FANCL: variants seen among roughly 807,000 people sequenced by gnomAD.
The protein encoded by FANCL is E3 ubiquitin-protein ligase FANCL.
FANCL carries 69 observed loss-of-function variants against 59.4 expected under a neutral mutation model. The observed-to-expected ratio is 1.16, with a 90% confidence interval of 0.96 to 1.42. FANCL has a LOEUF of 1.42. FANCL is among the 40% of genes most tolerant of loss of function. The probability of loss-of-function intolerance (pLI) is 0.00; values close to 1 mark genes in which losing one functional copy is unlikely to be tolerated. For missense variants in FANCL, 519 were observed against 447.2 expected (o/e 1.16, Z -1.45); for synonymous variants, 180 against 147.1 (o/e 1.22, Z -1.62).
rs1025876166 is a variant in FANCL, at chr2:58,177,077, C to T, written c.541-11203G>A. ...AGAGAAATGCAAATCAAAACCACAACGAGATATCATCTCACACCACTTAGA... is the reference window on the plus strand; with the variant it reads ...AGAGAAATGCAAATCAAAACCACAATGAGATATCATCTCACACCACTTAGA... On this transcript the variant is annotated intron_variant, in intron 7 of 13. Transcript: ENST00000233741. Among the ~76,000 whole-genome samples, 461 of 152,208 alleles carry T rather than the reference C, an allele frequency of 3.0e-3. 3 individuals carry two copies. The highest frequency in any genetic ancestry group is 9.5e-3 in the African/African-American group (396 of 41,532).
At chr2:58,191,860 A>G (rs939912328) in intron 7 of FANCL, among the ~76,000 whole-genome samples, 29 of 151,876 alleles carry the variant, frequency 1.9e-4, no homozygotes, top group African/African-American at 6.5e-4. Flanking sequence ...ATTCAAAAGG[A>G]TTTTCATATA....
chr2:58,171,529 A>T (rs995265911), intron 7 of FANCL, among the ~76,000 whole-genome samples: 6 of 152,360 alleles, frequency 3.9e-5, no homozygotes, highest in African/African-American at 1.4e-4. Flanking sequence ...AGATCAGAGC[A>T]GAACTGAAGG....
intron 5 of FANCL, among the ~76,000 whole-genome samples, chr2:58,214,941 C>A (rs1265238648): frequency 6.6e-6 from 1 of 152,182 alleles, no homozygotes; most frequent in Admixed American, 6.5e-5. Flanking sequence ...AACGCTTCAA[C>A]TGATTTTTCT....
chr2:58,159,909 A>ACACTTCTGAAGTTTC lies in FANCL; in HGVS notation c.1093-124_1093-110dup, dbSNP rs1012141452. ...ATAGTGTCATAGTACAGTTTGGAAA[A>ACACTTCTGAAGTTTC]CACTTCTGAAGTTTCAGATCACCTA... On this transcript the variant is annotated intron_variant, in intron 13 of 13. Coordinates refer to ENST00000233741, the MANE Select transcript of FANCL (RefSeq NM_018062.4). 7.8e-6 allele frequency: 12 copies of ACACTTCTGAAGTTTC among 1,547,432 alleles called. No homozygotes were observed. The African/African-American group carries it at 1.1e-4, about 14-fold the overall frequency.
chr2:58,198,200 CTG>C (rs1689632434), intron 7 of FANCL, among the ~76,000 whole-genome samples: 1 of 152,062 alleles, frequency 6.6e-6, no homozygotes, highest in Admixed American at 6.5e-5. Context: ...TTAAGGAAAA[CTG>C]AAAAAACAAA....
At chr2:58,167,460 A>G (rs1414139543) in intron 7 of FANCL, among the ~76,000 whole-genome samples, 1 of 152,144 alleles carries the variant, frequency 6.6e-6, no homozygotes, top group African/African-American at 2.4e-5. Flanking sequence ...GTAATTACCT[A>G]TTCCTTTGTA....
chr2:58,165,908 G>T, intron 7 of FANCL, 34 bp from the exon 8 acceptor site: 1 of 1,598,618 alleles, frequency 6.3e-7, no homozygotes, highest in Non-Finnish European at 8.6e-7. Flanking sequence ...TAAGTTATAT[G>T]GTACTCTACC....
At chr2:58,232,748 C>T (rs1693698354) in intron 1 of FANCL, among the ~76,000 whole-genome samples, 1 of 151,826 alleles carries the variant, frequency 6.6e-6, no homozygotes, top group South Asian at 2.1e-4. Flanking sequence ...AGAAGAAAGA[C>T]CTCTGAGACA....
chr2:58,189,423 G>A (rs1226133348), intron 7 of FANCL, among the ~76,000 whole-genome samples: 1 of 151,994 alleles, frequency 6.6e-6, no homozygotes, highest in Non-Finnish European at 1.5e-5. Flanking sequence ...TCACAGTAAG[G>A]ACAAAGAATG....
In FANCL at chr2:58,160,157, C is replaced by CTAGT. The variant is rs1462659024; in HGVS notation, c.1039_1042dup (p.Ser348AsnfsTer2). 4 of 1,612,882 alleles carry CTAGT rather than the reference C, an allele frequency of 2.5e-6. No individual in the cohort carries two copies. The African/African-American group carries it at 4.0e-5, about 16-fold the overall frequency. Reference sequence around the variant, plus strand: ...AAATATGATGTTAAAACTCTGTCTACTAGTTAGTAGTCCTCTCAGCCACTG... The same window carrying CTAGT: ...AAATATGATGTTAAAACTCTGTCTACTAGTTAGTTAGTAGTCCTCTCAGCCACTG... On this transcript the variant is annotated stop_gained and frameshift_variant, in exon 13 of 14. Coordinates refer to ENST00000233741, the MANE Select transcript of FANCL (RefSeq NM_018062.4). LOFTEE classifies it high-confidence loss of function.
intron 5 of FANCL, among the ~76,000 whole-genome samples, chr2:58,212,449 A>C (rs997577059): frequency 7.2e-5 from 11 of 152,288 alleles, no homozygotes; most frequent in African/African-American, 2.6e-4. Context: ...ACCATATCAT[A>C]AAGTGATATG....
At chr2:58,179,282 C>G (rs1213293857) in intron 7 of FANCL, among the ~76,000 whole-genome samples, 2 of 152,090 alleles carry the variant, frequency 1.3e-5, no homozygotes, top group Non-Finnish European at 2.9e-5. Flanking sequence ...CCAAGACAAT[C>G]CTAAGCAAAA....
rs1286081870 is a variant in FANCL at position 58,165,808 on chromosome 2, C to T, written c.607G>A (p.Val203Ile). 2 of 1,614,120 alleles carry T rather than the reference C, an allele frequency of 1.2e-6. No homozygotes were observed. Among genetic ancestry groups the T allele is most frequent in the East Asian group, 2.2e-5 (1 of 44,872 alleles). ...GTCTTCTCATCGATTTCATCCATAA[C>T]ATCCCAGAATGCCTTTAGTGATTCT... ...AIESLKAFWD[V>I]MDEIDEKTWV... is the part of the protein sequence containing the mutation. Residue 203 changes from valine to isoleucine, a missense_variant, in exon 8 of 14, where the codon GTT (valine) becomes ATT (isoleucine). Coordinates refer to ENST00000233741, the MANE Select transcript of FANCL (RefSeq NM_018062.4).
intron 6 of FANCL, among the ~76,000 whole-genome samples, chr2:58,200,260 A>AG (rs1334573489): frequency 1.3e-5 from 2 of 152,082 alleles, no homozygotes; most frequent in Non-Finnish European, 2.9e-5. Context: ...ATTATCTCAA[A>AG]GTAAATGTAG....
intron 7 of FANCL, among the ~76,000 whole-genome samples, chr2:58,197,636 T>C (rs1308662826): frequency 6.6e-6 from 1 of 152,150 alleles, no homozygotes; most frequent in Non-Finnish European, 1.5e-5. Context: ...CTTGCTAATA[T>C]CATCAATGTA....
chr2:58,237,053 G>C (rs562804913), intron 1 of FANCL, among the ~76,000 whole-genome samples: 4 of 152,148 alleles, frequency 2.6e-5, no homozygotes, highest in Non-Finnish European at 5.9e-5. Flanking sequence ...GATAGAAAAA[G>C]CAGACAAAAA....
chr2:58,200,465 A>G (rs1489041984), intron 6 of FANCL, among the ~76,000 whole-genome samples: 1 of 152,094 alleles, frequency 6.6e-6, no homozygotes, highest in Non-Finnish European at 1.5e-5. Flanking sequence ...TGTGGGTCAA[A>G]AATGGAAAAT....
At chr2:58,193,126 T>C (rs921692556) in intron 7 of FANCL, among the ~76,000 whole-genome samples, 1 of 152,052 alleles carries the variant, frequency 6.6e-6, no homozygotes, top group African/African-American at 2.4e-5. Flanking sequence ...AATGTTTTTC[T>C]AGATTTTGGC....
At chr2:58,180,425 C>T (rs964123757) in intron 7 of FANCL, among the ~76,000 whole-genome samples, 5 of 151,938 alleles carry the variant, frequency 3.3e-5, no homozygotes, top group Admixed American at 1.3e-4. Context: ...TGCAGGGACA[C>T]GGATGAAGCT....
Sources: allele counts gnomAD v4.1 joint callset (sites outside exome capture counted in the v4.1 genomes callset), GRCh38; gene constraint gnomAD v4.1.1; transcripts MANE v1.5; gene names NCBI Gene and HGNC (gene_info 2026-07-23, HGNC 2026-07-21).